HCN1: variants seen among roughly 807,000 people sequenced by gnomAD.
HCN1 encodes the protein hyperpolarization activated cyclic nucleotide gated potassium channel 1.
In HCN1, 13 loss-of-function variants were observed where a neutral mutation model predicts 78.9. The observed-to-expected ratio is 0.16, with a 90% confidence interval of 0.11 to 0.26. The LOEUF (loss-of-function observed/expected upper bound fraction) is 0.26. HCN1 is among the 10% of genes least tolerant of loss of function. HCN1 has a pLI of 1.00. For synonymous variants in HCN1, 552 were observed against 455.5 expected (o/e 1.21, Z -2.70); for missense variants, 810 against 1,154.3 (o/e 0.70, Z 4.32).
rs1191518802 is a variant in HCN1, at chr5:45,462,003, A to T, written c.854T>A (p.Phe285Tyr). Residue 285 changes from phenylalanine to tyrosine, a missense_variant, in exon 3 of 8, where the codon TTC becomes TAC. Phe to Tyr is a conservative substitution (Grantham distance 22). This residue lies in a region of HCN1 where 104 missense variants were observed against 402.8 expected (regional missense o/e 0.26). Transcript: ENST00000303230. The stretch of plus-strand genomic sequence containing the variant: ...ACTGGCGAGATCATATGTCATGTGG[A>T]ATATCTGTTGACCAAAATATAAAAT... Reference protein sequence around the residue: ...IRYIHQWEEIFHMTYDLASAV... With the variant: ...IRYIHQWEEIYHMTYDLASAV... 3.7e-6 allele frequency: 6 copies of T among 1,612,632 alleles called. No individual in the cohort carries two copies. Among genetic ancestry groups the T allele is most frequent in the Non-Finnish European group, 5.1e-6 (6 of 1,179,070 alleles).
At chr5:45,556,549 T>C (rs1448774340) in intron 2 of HCN1, among the ~76,000 whole-genome samples, 1 of 151,992 alleles carries the variant, frequency 6.6e-6, no homozygotes, top group Non-Finnish European at 1.5e-5. Flanking sequence ...ATTGTACTAC[T>C]ATAACATTCA....
chr5:45,308,579 T>C (rs967973345), intron 5 of HCN1, among the ~76,000 whole-genome samples: 1 of 152,124 alleles, frequency 6.6e-6, no homozygotes, highest in Non-Finnish European at 1.5e-5. Context: ...GTTTATATTG[T>C]TGTGGAGTTA....
At chr5:45,681,431 C>T (rs538918729) in intron 1 of HCN1, among the ~76,000 whole-genome samples, 1 of 152,122 alleles carries the variant, frequency 6.6e-6, no homozygotes, top group South Asian at 2.1e-4. Context: ...ATCATGTCAA[C>T]TTCAATTTCC....
chr5:45,399,444 G>T (rs78698115), intron 3 of HCN1, among the ~76,000 whole-genome samples: 4,618 of 152,306 alleles, frequency 0.03, 232 homozygotes, highest in African/African-American at 0.1. Flanking sequence ...GATGGCAGGA[G>T]CAGAACATTA....
At chr5:45,355,955 GCTTTTT>G (rs528374782) in intron 4 of HCN1, among the ~76,000 whole-genome samples, 23 of 151,936 alleles carry the variant, frequency 1.5e-4, no homozygotes, top group Non-Finnish European at 3.1e-4. Context: ...AAAAACAGGA[GCTTTTT>G]CTTTTTCTTT....
In HCN1 at chr5:45,303,715, T is replaced by A. The variant is rs972121549; in HGVS notation, c.1502A>T (p.Tyr501Phe). The change falls in exon 6 of 8, where the codon TAT (tyrosine) becomes TTT (phenylalanine). Residue 501 changes from tyrosine (Y) to phenylalanine (F), a missense_variant. Physicochemically the swap from Tyr to Phe is conservative, Grantham distance 22. This residue lies in a region of HCN1 where 100 missense variants were observed against 126.8 expected (regional missense o/e 0.79). Coordinates refer to ENST00000303230, the MANE Select transcript of HCN1 (RefSeq NM_021072.4). ...ACCCACGGCTCCTTCTCGTATGATA[T>A]AATCTCCAGGTTGAAACACCTCAAA... Reference protein sequence around the residue: ...LRFEVFQPGDYIIREGAVGKK... With the variant: ...LRFEVFQPGDFIIREGAVGKK... 2 of 1,613,720 alleles carry A rather than the reference T, an allele frequency of 1.2e-6. No individual in the cohort carries two copies. The highest frequency in any genetic ancestry group is 1.7e-6 in the Non-Finnish European group (2 of 1,179,800).
rs186100398 is a variant in HCN1 at position 45,459,597 on chromosome 5, C to A, written c.1011+2249G>T. Among the ~76,000 whole-genome samples, 49 of 151,978 alleles carry A rather than the reference C, an allele frequency of 3.2e-4. 1 individual carries two copies. In the East Asian group the frequency reaches 7.2e-3, roughly 22 times the overall value. ...TTTAAAGAAAAACAAGAATTTTTTTCAATAAATGTGTTTATCATCAGATAT... is the reference window on the plus strand; with the variant it reads ...TTTAAAGAAAAACAAGAATTTTTTTAAATAAATGTGTTTATCATCAGATAT... On this transcript the variant is annotated intron_variant, in intron 3 of 7. Transcript: ENST00000303230.
intron 3 of HCN1, among the ~76,000 whole-genome samples, chr5:45,428,241 C>T (rs1185715106): frequency 1.3e-5 from 2 of 151,948 alleles, no homozygotes; most frequent in East Asian, 1.9e-4. Context: ...CACTATGAAA[C>T]AATTGATATA....
intron 2 of HCN1, among the ~76,000 whole-genome samples, chr5:45,560,613 T>C (rs1479888235): frequency 6.6e-6 from 1 of 152,010 alleles, no homozygotes; most frequent in Non-Finnish European, 1.5e-5. Flanking sequence ...TTAACAAAAT[T>C]AAAAATTATC....
chr5:45,668,045 C>A (rs1467151202), intron 1 of HCN1, among the ~76,000 whole-genome samples: 1 of 151,952 alleles, frequency 6.6e-6, no homozygotes, highest in Admixed American at 6.6e-5. Context: ...TAACCCAGGG[C>A]TCTTTCCTAT....
At chr5:45,465,982 T>C (rs1284721982) in intron 2 of HCN1, among the ~76,000 whole-genome samples, 1 of 152,154 alleles carries the variant, frequency 6.6e-6, no homozygotes, top group Non-Finnish European at 1.5e-5. Flanking sequence ...CCAGACAGGA[T>C]AAATAATTAA....
chr5:45,379,311 T>C (rs1466873772), intron 4 of HCN1, among the ~76,000 whole-genome samples: 2 of 152,034 alleles, frequency 1.3e-5, no homozygotes, highest in Non-Finnish European at 2.9e-5. Context: ...AATGAGCTCT[T>C]TTCTATGATA....
chr5:45,599,701 T>C (rs565925632), intron 2 of HCN1, among the ~76,000 whole-genome samples: 3 of 152,286 alleles, frequency 2.0e-5, no homozygotes, highest in South Asian at 4.1e-4. Context: ...CTTTTTACTA[T>C]TGTTGTGAAA....
At chr5:45,403,144 C>T (rs1561141907) in intron 3 of HCN1, among the ~76,000 whole-genome samples, 1 of 152,048 alleles carries the variant, frequency 6.6e-6, no homozygotes, top group Non-Finnish European at 1.5e-5. Context: ...TTTCTTTAGA[C>T]ACTGAATTTT....
chr5:45,483,589 C>T (rs539471588), intron 2 of HCN1, among the ~76,000 whole-genome samples: 18 of 152,150 alleles, frequency 1.2e-4, no homozygotes, highest in South Asian at 4.1e-4. Flanking sequence ...ACTTTGTTGA[C>T]GGCTTCTTTT....
chr5:45,307,531 C>T (rs1745760672), intron 5 of HCN1, among the ~76,000 whole-genome samples: 1 of 152,092 alleles, frequency 6.6e-6, no homozygotes, highest in Non-Finnish European at 1.5e-5. Context: ...GAGCATTTTA[C>T]TTTTGTGGCA....
chr5:45,465,299 T>G (rs1034409470), intron 2 of HCN1, among the ~76,000 whole-genome samples: 1 of 152,122 alleles, frequency 6.6e-6, no homozygotes, highest in African/African-American at 2.4e-5. Context: ...TTTTCCATCT[T>G]CTAAGTAACC....
At chr5:45,591,640 T>C (rs1297050246) in intron 2 of HCN1, among the ~76,000 whole-genome samples, 2 of 152,336 alleles carry the variant, frequency 1.3e-5, no homozygotes, top group Non-Finnish European at 2.9e-5. Flanking sequence ...ATTCTTATTG[T>C]TGAGTACTTT....
chr5:45,445,997 G>A (rs1740786290), intron 3 of HCN1, among the ~76,000 whole-genome samples: 1 of 152,182 alleles, frequency 6.6e-6, no homozygotes, highest in African/African-American at 2.4e-5. Context: ...TCCTCCAAAG[G>A]AACGCAGTTC....
Sources: gnomAD v4.1 joint callset for allele counts (sites outside exome capture counted in the v4.1 genomes callset) on GRCh38, gnomAD v4.1.1 for gene constraint, gnomAD v4.1.1 regional missense constraint, MANE v1.5 for transcripts, NCBI Gene and HGNC (gene_info 2026-07-23, HGNC 2026-07-21) for gene names.